Variants in CROT observed in about 807,000 individuals in gnomAD.
CROT encodes peroxisomal carnitine O-octanoyltransferase.
CROT carries 84 observed loss-of-function variants against 89.2 expected under a neutral mutation model. The observed-to-expected ratio is 0.94, with a 90% CI of 0.79 to 1.13. The LOEUF is 1.13. Among genes scored for constraint, CROT ranks in the 50% most tolerant of loss-of-function variants. The probability of loss-of-function intolerance (pLI) is 0.00; values close to 1 mark genes in which losing one functional copy is unlikely to be tolerated. For missense variants in CROT, 711 were observed against 727.8 expected (o/e 0.98, Z 0.27); for synonymous variants, 212 against 239.5 (o/e 0.89, Z 1.06).
At position 87,345,755 on chromosome 7, in the gene CROT, T is replaced by A. The variant is rs1375095567; in HGVS notation, c.-125T>A. On this transcript the variant is annotated 5_prime_UTR_variant, in exon 1 of 18. Coordinates refer to ENST00000331536, the MANE Select transcript of CROT (RefSeq NM_021151.4). The stretch of plus-strand genomic sequence containing the variant: ...GGCAGAGGCGGCGAGGCGCGGGCGG[T>A]GAGGACGGACAGGTCCGTTGAAGCA... The A allele has an allele frequency of 1.3e-5, 4 of 314,064 alleles. No homozygotes were observed. The East Asian group carries it at 2.0e-4, about 15-fold the overall frequency. The allele number at this position is 314,064 out of a possible 1,614,324, so 19.5% of individuals were successfully genotyped here. A position where few individuals can be genotyped will look rare whatever the true frequency, so the allele number is the denominator to read the frequency against.
Position 87,375,706 on chromosome 7 carries a change from A to T in CROT, c.731A>T (p.Glu244Val). Residue 244 changes from glutamate to valine, a missense_variant, in exon 8 of 18, where the codon GAG becomes GTG. Transcript: ENST00000331536. ...GGGATTGCAGCATTAACTAGTGAGG[A>T]GCGAACTCGATGGGCTAAGGTTCTG... Reference protein sequence around the residue: ...GPGIAALTSEERTRWAKAREY... With the variant: ...GPGIAALTSEVRTRWAKAREY... 1 of 1,613,540 alleles carries T rather than the reference A, an allele frequency of 6.2e-7. No homozygotes were observed. The highest frequency in any genetic ancestry group is 8.5e-7 in the Non-Finnish European group (1 of 1,179,528).
chr7:87,367,350 T>G (rs1806481456), intron 6 of CROT, among the ~76,000 whole-genome samples: 1 of 152,114 alleles, frequency 6.6e-6, no homozygotes, highest in African/African-American at 2.4e-5. Flanking sequence ...CTCTAAAAGC[T>G]GGAAAAAGGA....
chr7:87,360,626 C>T (rs1328068920), intron 4 of CROT, among the ~76,000 whole-genome samples: 4 of 152,040 alleles, frequency 2.6e-5, no homozygotes, highest in Non-Finnish European at 5.9e-5. Flanking sequence ...CAGGTGTGAG[C>T]CACTATGCCC....
At chr7:87,354,032 A>G (rs1005756253) in intron 3 of CROT, among the ~76,000 whole-genome samples, 4 of 152,264 alleles carry the variant, frequency 2.6e-5, no homozygotes, top group African/African-American at 9.6e-5. Context: ...AGACTAAGTC[A>G]GAGACTTAAT....
At chr7:87,397,661 T>G (rs1415282590) in intron 17 of CROT, among the ~76,000 whole-genome samples, 1 of 152,226 alleles carries the variant, frequency 6.6e-6, no homozygotes, top group Non-Finnish European at 1.5e-5. Context: ...AAGGCAGGAC[T>G]TCCTAAAGGT....
chr7:87,364,191 G>A (rs187781532), intron 6 of CROT, among the ~76,000 whole-genome samples: 1 of 152,258 alleles, frequency 6.6e-6, no homozygotes, highest in East Asian at 1.9e-4. Context: ...TACAGACTTA[G>A]GAGTCATCAC....
rs1343100259 is a variant in CROT at position 87,393,030 on chromosome 7, A to G, written c.1681A>G (p.Asn561Asp). Reference protein sequence around the residue: ...VQGVVVPMVHNGYGFFYHIRD... With the variant: ...VQGVVVPMVHDGYGFFYHIRD... ...GGGAGTGGTAGTTCCCATGGTACAC[A>G]ATGGTTATGGATTTTTCTACCATAT... The change falls in exon 17 of 18, where the codon AAT becomes GAT. Residue 561 changes from asparagine to aspartate, a missense_variant. Asn to Asp is a conservative substitution (Grantham distance 23, BLOSUM62 1). Transcript: ENST00000331536. The G allele has an allele frequency of 1.2e-6, 2 of 1,613,522 alleles. No individual in the cohort carries two copies. Among genetic ancestry groups the G allele is most frequent in the South Asian group, 1.1e-5 (1 of 91,058 alleles).
intron 17 of CROT, among the ~76,000 whole-genome samples, chr7:87,395,879 G>C (rs781408873): frequency 9.9e-5 from 15 of 152,124 alleles, no homozygotes; most frequent in Non-Finnish European, 1.9e-4. Flanking sequence ...CAATAGAAAG[G>C]ATTGTCACCA....
chr7:87,351,845 C>G (rs1805878386), intron 3 of CROT, among the ~76,000 whole-genome samples: 2 of 152,140 alleles, frequency 1.3e-5, no homozygotes, highest in Non-Finnish European at 2.9e-5. Context: ...ACTAAGTCAC[C>G]TGGTTGAACA....
At chr7:87,359,530 C>G (rs1806208791) in intron 4 of CROT, 200 bp downstream of exon 4, 2 of 1,326,948 alleles carry the variant, frequency 1.5e-6, no homozygotes, top group African/African-American at 3.0e-5. Context: ...TGCAGATTTG[C>G]TGGGATAAGT....
chr7:87,363,387 C>T (rs1021114550), intron 6 of CROT, among the ~76,000 whole-genome samples: 1 of 152,160 alleles, frequency 6.6e-6, no homozygotes, highest in African/African-American at 2.4e-5. Flanking sequence ...ATTAGATAGT[C>T]AGGGAAGGCC....
intron 13 of CROT, among the ~76,000 whole-genome samples, chr7:87,383,527 G>C (rs1807093630): frequency 7.1e-6 from 1 of 141,320 alleles, no homozygotes; most frequent in Admixed American, 7.2e-5. Context: ...TCAGAGTCTT[G>C]CTCTGTCGCC....
chr7:87,394,701 C>T (rs150880404), intron 17 of CROT, among the ~76,000 whole-genome samples: 31 of 151,960 alleles, frequency 2.0e-4, no homozygotes, highest in African/African-American at 6.0e-4. Flanking sequence ...AAAAAAATGC[C>T]TTTCTTGCTA....
At chr7:87,373,350 G>A (rs1476329051) in intron 7 of CROT, among the ~76,000 whole-genome samples, 1 of 151,824 alleles carries the variant, frequency 6.6e-6, no homozygotes, top group African/African-American at 2.4e-5. Flanking sequence ...TATATAATTT[G>A]CAAATTATAT....
At chr7:87,360,577 G>A (rs1384866885) in intron 4 of CROT, among the ~76,000 whole-genome samples, 2 of 152,178 alleles carry the variant, frequency 1.3e-5, no homozygotes, top group African/African-American at 4.8e-5. Context: ...CTGGCCTCAA[G>A]TGATCTGCCT....
rs950956461 is a variant in CROT at position 87,393,018 on chromosome 7, C to T, written c.1669C>T (p.Pro557Ser). Residue 557 changes from proline (P) to serine (S), a missense_variant, in exon 17 of 18, where the codon CCC becomes TCC. Physicochemically the swap from Pro to Ser is moderately conservative, Grantham distance 74. Coordinates refer to ENST00000331536, the MANE Select transcript of CROT (RefSeq NM_021151.4). ...TTTACGAGTCCAGGGAGTGGTAGTT[C>T]CCATGGTACACAATGGTTATGGATT... ...GYLRVQGVVV[P>S]MVHNGYGFFY... 9.3e-6 allele frequency: 15 copies of T among 1,613,162 alleles called. No homozygotes were observed. Among genetic ancestry groups the T allele is most frequent in the Admixed American group, 1.7e-5 (1 of 59,930 alleles).
intron 13 of CROT, 50 bp downstream of exon 13, chr7:87,382,593 A>G (rs1285174174): frequency 1.3e-6 from 2 of 1,539,940 alleles, no homozygotes; most frequent in South Asian, 2.5e-5. Context: ...CCAAGGGTAT[A>G]TCTTTTTTTA....
chr7:87,347,544 T>G (rs1805725304), intron 2 of CROT, among the ~76,000 whole-genome samples: 2 of 152,224 alleles, frequency 1.3e-5, no homozygotes, highest in Non-Finnish European at 2.9e-5. Flanking sequence ...CAAAATGGTG[T>G]GCAGCCAAAG....
Position 87,392,647 on chromosome 7 carries a change from A to C in CROT, c.1504+3A>C. ...GAAAGATTGTTCAGCTGGAAAAGGT[A>C]CTTAAGTTAAAATTTTTCTGACTTA... On this transcript the variant is annotated splice_donor_region_variant and intron_variant, in intron 15 of 17. Coordinates refer to ENST00000331536, the MANE Select transcript of CROT (RefSeq NM_021151.4). 3.1e-6 allele frequency: 5 copies of C among 1,612,338 alleles called. No homozygotes were observed. Among genetic ancestry groups the C allele is most frequent in the Non-Finnish European group, 4.2e-6 (5 of 1,178,930 alleles).
Sources: gnomAD v4.1 joint callset for allele counts (sites outside exome capture counted in the v4.1 genomes callset) on GRCh38, gnomAD v4.1.1 for gene constraint, MANE v1.5 for transcripts, NCBI Gene and HGNC (gene_info 2026-07-23, HGNC 2026-07-21) for gene names.